The following HS6ST3 variants were observed in gnomAD, a reference collection of about 807,000 sequenced individuals.
HS6ST3 encodes the protein heparan sulfate 6-O-sulfotransferase 3, also known as heparan-sulfate 6-O-sulfotransferase 3.
Under a neutral mutation model 36.7 loss-of-function variants are expected in HS6ST3, and 12 were observed. The ratio of observed to expected loss-of-function variants is 0.33; its 90% CI spans 0.21 to 0.53. HS6ST3 has a LOEUF of 0.53. Among genes scored for constraint, HS6ST3 ranks in the 20% least tolerant of loss-of-function variants. The pLI is 0.95. For synonymous variants in HS6ST3, 240 were observed against 257.5 expected (o/e 0.93, Z 0.65); for missense variants, 584 against 640.9 (o/e 0.91, Z 0.96).
At chr13:96,121,496 G>C (rs537814341) in intron 1 of HS6ST3, among the ~76,000 whole-genome samples, 1 of 152,312 alleles carries the variant, frequency 6.6e-6, no homozygotes, top group African/African-American at 2.4e-5. Context: ...TGGGCAGGTG[G>C]AACTTCTTTG....
chr13:96,221,986 A>G lies in HS6ST3; in HGVS notation c.707+130417A>G, dbSNP rs1034439511. ...TGAATTAACTGTTATTTTAAATTTTATAATAGATTTTAGATGGCTGAACTA... is the reference window on the plus strand; with the variant it reads ...TGAATTAACTGTTATTTTAAATTTTGTAATAGATTTTAGATGGCTGAACTA... On this transcript the variant is annotated intron_variant, in intron 1 of 1. Coordinates refer to ENST00000376705, the MANE Select transcript of HS6ST3 (RefSeq NM_153456.4). Among the ~76,000 whole-genome samples, 14 of 152,248 alleles carry G rather than the reference A, an allele frequency of 9.2e-5. 1 individual carries two copies. The highest frequency in any genetic ancestry group is 7.2e-5 in the African/African-American group (3 of 41,464).
intron 1 of HS6ST3, among the ~76,000 whole-genome samples, chr13:96,345,298 C>A (rs2055148058): frequency 6.6e-6 from 1 of 152,020 alleles, no homozygotes; most frequent in South Asian, 2.1e-4. Flanking sequence ...CTGAAATATT[C>A]TTATTTATAT....
chr13:96,169,649 G>A (rs2054177990), intron 1 of HS6ST3: 1 of 152,256 alleles, frequency 6.6e-6, no homozygotes. Context: ...AGTGTGCTGT[G>A]CCAATCGGGT....
intron 1 of HS6ST3, among the ~76,000 whole-genome samples, chr13:96,196,660 G>C (rs2054315792): frequency 6.6e-6 from 1 of 152,186 alleles, no homozygotes. Flanking sequence ...GAAGACATGG[G>C]TGTGCAGAGC....
At chr13:96,757,963 G>C (rs932176581) in intron 1 of HS6ST3, among the ~76,000 whole-genome samples, 3 of 151,814 alleles carry the variant, frequency 2.0e-5, no homozygotes, top group East Asian at 1.9e-4. Context: ...AAGCTATGCT[G>C]GTCTCATATG....
chr13:96,266,072 A>G (rs2054690964), intron 1 of HS6ST3, among the ~76,000 whole-genome samples: 1 of 152,096 alleles, frequency 6.6e-6, no homozygotes, highest in Non-Finnish European at 1.5e-5. Context: ...CTGCAAGAGC[A>G]CCATAGCAAT....
intron 1 of HS6ST3, among the ~76,000 whole-genome samples, chr13:96,324,555 A>G (rs999320317): frequency 1.3e-5 from 2 of 152,220 alleles, no homozygotes; most frequent in Non-Finnish European, 2.9e-5. Flanking sequence ...CTCCAAAAAT[A>G]TATTGAAATT....
At chr13:96,431,404 A>G (rs936537614) in intron 1 of HS6ST3, among the ~76,000 whole-genome samples, 10 of 152,004 alleles carry the variant, frequency 6.6e-5, no homozygotes, top group African/African-American at 1.7e-4. Context: ...GGAATGTCCA[A>G]TCCCTTCAGA....
At chr13:96,621,752 A>C (rs1270912301) in intron 1 of HS6ST3, among the ~76,000 whole-genome samples, 1 of 152,092 alleles carries the variant, frequency 6.6e-6, no homozygotes, top group East Asian at 1.9e-4. Context: ...GGTTTGTTTG[A>C]TTTGCCTTAC....
chr13:96,817,961 A>G (rs866901794), intron 1 of HS6ST3, among the ~76,000 whole-genome samples: 13 of 152,344 alleles, frequency 8.5e-5, no homozygotes, highest in Middle Eastern at 3.4e-3. Flanking sequence ...CCTAAGCTAC[A>G]TTTACTTTGA....
At chr13:96,692,131 C>T (rs970258162) in intron 1 of HS6ST3, among the ~76,000 whole-genome samples, 1 of 152,014 alleles carries the variant, frequency 6.6e-6, no homozygotes, top group Non-Finnish European at 1.5e-5. Flanking sequence ...AAATATTTCT[C>T]AGAAAGAAAT....
intron 1 of HS6ST3, among the ~76,000 whole-genome samples, chr13:96,092,933 C>G (rs2053772271): frequency 6.6e-6 from 1 of 152,104 alleles, no homozygotes; most frequent in South Asian, 2.1e-4. Flanking sequence ...TTTACGGATC[C>G]TTTGCTTTTA....
intron 1 of HS6ST3, among the ~76,000 whole-genome samples, chr13:96,824,829 T>C (rs1267293460): frequency 6.6e-6 from 1 of 152,128 alleles, no homozygotes; most frequent in Admixed American, 6.5e-5. Flanking sequence ...GGCTGATAAA[T>C]GCTATATATT....
At chr13:96,209,070 A>G (rs1455412775) in intron 1 of HS6ST3, among the ~76,000 whole-genome samples, 3 of 152,224 alleles carry the variant, frequency 2.0e-5, no homozygotes, top group African/African-American at 7.2e-5. Flanking sequence ...ATACAGAACT[A>G]CCATAGACTT....
At chr13:96,345,949 AG>A (rs1289699903) in intron 1 of HS6ST3, among the ~76,000 whole-genome samples, 3 of 152,222 alleles carry the variant, frequency 2.0e-5, no homozygotes, top group Admixed American at 6.5e-5. Context: ...CATGGGCCAC[AG>A]GTTGGACAAG....
intron 1 of HS6ST3, among the ~76,000 whole-genome samples, chr13:96,253,412 G>C (rs751311761): frequency 2.3e-4 from 35 of 152,270 alleles, no homozygotes; most frequent in Non-Finnish European, 5.0e-4. Flanking sequence ...TTCGTACTTA[G>C]CTGTGCCACT....
chr13:96,648,998 A>G (rs188422441), intron 1 of HS6ST3, among the ~76,000 whole-genome samples: 2 of 152,054 alleles, frequency 1.3e-5, no homozygotes, highest in East Asian at 3.9e-4. Context: ...AGACCCCTAT[A>G]TTTGATCTCT....
At chr13:96,619,409 T>C (rs1471272034) in intron 1 of HS6ST3, among the ~76,000 whole-genome samples, 1 of 152,242 alleles carries the variant, frequency 6.6e-6, no homozygotes, top group Non-Finnish European at 1.5e-5. Context: ...TTAATGATAG[T>C]AGTGCTTGCA....
intron 1 of HS6ST3, among the ~76,000 whole-genome samples, chr13:96,501,012 T>G (rs1327919): frequency 0.82 from 124,484 of 151,976 alleles, 52,017 homozygotes; most frequent in Non-Finnish European, 0.9. Context: ...GTGAAAGTTT[T>G]GGTGGAAGGA....
Sources: allele counts gnomAD v4.1 joint callset (sites outside exome capture counted in the v4.1 genomes callset), GRCh38; gene constraint gnomAD v4.1.1; transcripts MANE v1.5; gene names NCBI Gene and HGNC (gene_info 2026-07-23, HGNC 2026-07-21).